Variants in MIDN observed in about 807,000 individuals in gnomAD.
The protein encoded by MIDN is midbrain nucleolar protein.
MIDN carries 26 observed loss-of-function variants against 46.1 expected under a neutral mutation model. That is an observed-to-expected ratio of 0.56 (90% CI 0.41 to 0.78). The LOEUF is 0.78. MIDN is among the 30% of genes least tolerant of loss of function. The probability of loss-of-function intolerance (pLI) is 0.00; values close to 1 mark genes in which losing one functional copy is unlikely to be tolerated. For missense variants in MIDN, 850 were observed against 771.8 expected, an observed-to-expected ratio of 1.10 and a Z score of -1.20; for synonymous variants, 432 against 343.3, an observed-to-expected ratio of 1.26 and a Z score of -2.86.
chr19:1,255,440 G>A lies in MIDN; in HGVS notation c.1004G>A (p.Cys335Tyr). Residue 335 changes from cysteine to tyrosine, a missense_variant, in exon 8 of 9, where the codon TGC becomes TAC. Physicochemically the swap from Cys to Tyr is radical, Grantham distance 194. Coordinates refer to ENST00000682408, the MANE Select transcript of MIDN (RefSeq NM_001388306.1). ...GTFSGTLHPN[C>Y]QDSSGRPRRD... The stretch of plus-strand genomic sequence containing the variant: ...CCCGCAGGCACGCTACACCCCAACT[G>A]CCAAGACAGCAGCGGGCGGCCGCGG... 1.3e-6 allele frequency: 2 copies of A among 1,597,252 alleles called. No homozygotes were observed. The highest frequency in any genetic ancestry group is 1.7e-6 in the Non-Finnish European group (2 of 1,172,892).
Position 1,251,433 on chromosome 19 carries a change from G to A in MIDN, c.234-129G>A. On this transcript the variant is annotated intron_variant, in intron 2 of 8. Transcript: ENST00000682408. ...CGCGCTTAGGGCCCTGGATCTGGAA[G>A]CCGGGAAGGGGTGGGGGTGGGAACT... is the stretch of plus-strand genomic sequence containing the variant. 17 of 778,326 alleles carry A rather than the reference G, an allele frequency of 2.2e-5. No homozygotes were observed. In the South Asian group the frequency reaches 2.8e-4, roughly 13 times the overall value. The allele number at this position is 778,326 out of a possible 1,614,324, so 48.2% of individuals were successfully genotyped here.
At chr19:1,249,829 G>GC (rs1311532544) in intron 1 of MIDN, 61 bp from the exon 2 acceptor site, 1 of 151,556 alleles carries the variant, frequency 6.6e-6, no homozygotes, top group East Asian at 1.9e-4. Context: ...GGGGGCGGCG[G>GC]CCCCGCCCCC....
chr19:1,258,969 C>G lies in MIDN; in HGVS notation c.*1697C>G, dbSNP rs530376314. The G allele has an allele frequency of 2.0e-5, 3 of 151,878 alleles. No individual in the cohort carries two copies. The highest frequency in any genetic ancestry group is 2.9e-5 in the Non-Finnish European group (2 of 67,912). The allele number at this position is 151,878 out of a possible 1,614,324, so 9.4% of individuals were successfully genotyped here. On this transcript the variant is annotated 3_prime_UTR_variant, in exon 9 of 9. Coordinates refer to ENST00000682408, the MANE Select transcript of MIDN (RefSeq NM_001388306.1). ...GAACCTCCAGGCAGGAACCGGCTCG[C>G]CACCCTCTGCCCGGTAAGGGCTGCC...
intron 4 of MIDN, among the ~76,000 whole-genome samples, chr19:1,252,924 G>A (rs939945594): frequency 5.3e-5 from 8 of 152,154 alleles, no homozygotes; most frequent in South Asian, 2.1e-4. Flanking sequence ...TTCCTGGGGC[G>A]AGTGTGAGCA....
At chr19:1,254,570 C>T (rs2145493896) in intron 6 of MIDN, 92 bp downstream of exon 6, 3 of 1,333,512 alleles carry the variant, frequency 2.2e-6, no homozygotes, top group Middle Eastern at 1.9e-4. Context: ...GACTCTTAGT[C>T]CCAGGTGAGT....
In MIDN at chr19:1,255,036, G is replaced by A. The variant is rs763712085; in HGVS notation, c.960G>A (p.Pro320=). 2.2e-5 allele frequency: 35 copies of A among 1,612,844 alleles called. No individual in the cohort carries two copies. The highest frequency in any genetic ancestry group is 8.3e-5 in the Admixed American group (5 of 59,972). Residue 320 remains proline (P), a synonymous_variant, in exon 7 of 9, where the codon CCG becomes CCA. Transcript: ENST00000682408. ...TCGAGAGCTTTGTGAATCACGCCCC[G>A]GGGGTCTTCTCAGGGACCTTCTCTG... The part of the protein sequence containing the change: ...AVIESFVNHA[P]GVFSGTFSGT...
chr19:1,252,743 ACCCCCTTCCGCTTTC>A (rs1460392330), intron 4 of MIDN, among the ~76,000 whole-genome samples: 2 of 150,408 alleles, frequency 1.3e-5, no homozygotes, highest in Admixed American at 6.6e-5. Context: ...CGAGGCCCGC[ACCCCCTTCCGCTTTC>A]CCAGCGGCAT....
chr19:1,252,791 C>G (rs2081148033), intron 4 of MIDN, among the ~76,000 whole-genome samples: 1 of 152,200 alleles, frequency 6.6e-6, no homozygotes, highest in Non-Finnish European at 1.5e-5. Flanking sequence ...CCTTTCCCTA[C>G]ATCGCGGGGG....
In MIDN at chr19:1,252,009, G is replaced by C. The variant is rs1405065020; in HGVS notation, c.384+108G>C. ...GTGCTCCCAGGAGGCTGGGGGAGGGGAGGGGACGCGCCACCCCGCCTGGGT... is the reference window on the plus strand; with the variant it reads ...GTGCTCCCAGGAGGCTGGGGGAGGGCAGGGGACGCGCCACCCCGCCTGGGT... On this transcript the variant is annotated intron_variant, in intron 4 of 8. Transcript: ENST00000682408. 3.0e-5 allele frequency: 28 copies of C among 931,772 alleles called. 1 individual carries two copies. The Admixed American group carries it at 3.8e-4, about 13-fold the overall frequency. The allele number at this position is 931,772 out of a possible 1,614,324, so 57.7% of individuals were successfully genotyped here.
At chr19:1,251,470 C>T (rs2081126846) in intron 2 of MIDN, 92 bp from the exon 3 acceptor site, 2 of 1,166,070 alleles carry the variant, frequency 1.7e-6, no homozygotes, top group South Asian at 2.7e-5. Flanking sequence ...ATCCGTCTCT[C>T]CCCACACAAG....
At chr19:1,251,767 C>T (rs2081131631) in intron 3 of MIDN, 72 bp from the exon 4 acceptor site, 21 of 1,538,904 alleles carry the variant, frequency 1.4e-5, no homozygotes, top group South Asian at 1.4e-4. Flanking sequence ...GCCAGCAGGG[C>T]CCTCTCCACC....
At chr19:1,252,005 A>C in intron 4 of MIDN, 104 bp downstream of exon 4, 1 of 979,216 alleles carries the variant, frequency 1.0e-6, no homozygotes, top group Non-Finnish European at 1.5e-6. Flanking sequence ...AGGCTGGGGG[A>C]GGGGAGGGGA....
chr19:1,253,107 C>T (rs1041150613), intron 4 of MIDN, among the ~76,000 whole-genome samples: 1 of 151,710 alleles, frequency 6.6e-6, no homozygotes, highest in Non-Finnish European at 1.5e-5. Context: ...GGCACCGAGT[C>T]ATGCCCGCCC....
At position 1,257,068 on chromosome 19, in the gene MIDN, G is replaced by A. The variant is rs753656348; in HGVS notation, c.1332G>A (p.Gln444=). The A allele has an allele frequency of 4.3e-6, 7 of 1,612,372 alleles. No individual in the cohort carries two copies. The Admixed American group carries it at 1.2e-4, about 27-fold the overall frequency. The change falls in exon 9 of 9, where the codon CAG becomes CAA. Residue 444 remains glutamine, a synonymous_variant. Transcript: ENST00000682408. ...KVERLQLLLQ[Q]KRLRRKARRD... Reference sequence around the variant, plus strand: ...AACGGCTGCAGCTGCTTCTGCAGCAGAAACGGCTCCGTAGAAAGGCCCGGC... The same window carrying A: ...AACGGCTGCAGCTGCTTCTGCAGCAAAAACGGCTCCGTAGAAAGGCCCGGC...
chr19:1,250,439 C>G lies in MIDN; in HGVS notation c.143C>G (p.Pro48Arg). 1.4e-6 allele frequency: 2 copies of G among 1,384,606 alleles called. No individual in the cohort carries two copies. The highest frequency in any genetic ancestry group is 3.2e-5 in the East Asian group (1 of 31,336). The allele number at this position is 1,384,606 out of a possible 1,614,324, so 85.8% of individuals were successfully genotyped here. ...TTGTRYDLAVPPDETVEGLRK... is the reference protein window; with the variant it reads ...TTGTRYDLAVRPDETVEGLRK... ...GGCACCCGCTACGACCTGGCCGTGC[C>G]GCCCGACGAGACGGTGGAGGGGCTG... The change falls in exon 2 of 9, where the codon CCG becomes CGG. Residue 48 changes from proline to arginine, a missense_variant. Physicochemically the swap from Pro to Arg is moderately radical, Grantham distance 103. Coordinates refer to ENST00000682408, the MANE Select transcript of MIDN (RefSeq NM_001388306.1).
intron 6 of MIDN, 42 bp from the exon 7 acceptor site, chr19:1,254,859 CT>C (rs1317471332): frequency 1.5e-5 from 23 of 1,562,970 alleles, no homozygotes; most frequent in Non-Finnish European, 1.8e-5. Context: ...TGGTGATCCC[CT>C]GATCCTGGAC....
intron 4 of MIDN, among the ~76,000 whole-genome samples, chr19:1,252,871 G>C (rs1230224837): frequency 6.6e-6 from 1 of 152,140 alleles, no homozygotes; most frequent in Non-Finnish European, 1.5e-5. Context: ...GTGGCGTGGG[G>C]GCAGAGCCGG....
rs750440861 is a variant in MIDN, at chr19:1,254,406, G to A, written c.753G>A (p.Pro251=). The change falls in exon 6 of 9, where the codon CCG becomes CCA. Residue 251 remains proline, a synonymous_variant. Transcript: ENST00000682408. ...GAGTCCCCCCGGTGCCCACCAGCCC[G>A]TCCCCTGCATCTCCCTCGCCCATCA... ...AARVPPVPTS[P]SPASPSPITA... 1.4e-5 allele frequency: 22 copies of A among 1,564,394 alleles called. No homozygotes were observed. The highest frequency in any genetic ancestry group is 2.3e-5 in the East Asian group (1 of 42,854).
At chr19:1,256,438 C>G (rs1291610203) in intron 8 of MIDN, among the ~76,000 whole-genome samples, 5 of 150,328 alleles carry the variant, frequency 3.3e-5, no homozygotes, top group Non-Finnish European at 5.9e-5. Flanking sequence ...GCCGAGATCG[C>G]GCCACTGCAC....
Sources: allele counts gnomAD v4.1 joint callset (sites outside exome capture counted in the v4.1 genomes callset), GRCh38; gene constraint gnomAD v4.1.1; transcripts MANE v1.5; gene names NCBI Gene and HGNC (gene_info 2026-07-23, HGNC 2026-07-21).